The following GLIS3 variants were observed in gnomAD, a reference collection of about 807,000 sequenced individuals.
GLIS3 encodes GLIS family zinc finger 3.
Under a neutral mutation model 78.6 loss-of-function variants are expected in GLIS3, and 53 were observed. That is an observed-to-expected ratio of 0.67 (90% CI 0.54 to 0.85). GLIS3 has a LOEUF of 0.85. Among genes scored for constraint, GLIS3 ranks in the 40% least tolerant of loss-of-function variants. GLIS3 has a pLI of 0.00. For synonymous variants in GLIS3, 684 were observed against 509.9 expected, an observed-to-expected ratio of 1.34 and a Z score of -4.60; for missense variants, 1,703 against 1,231.1, an observed-to-expected ratio of 1.38 and a Z score of -5.74.
At position 4,012,770 on chromosome 9, in the gene GLIS3, T is replaced by TC. The variant is rs201670240; in HGVS notation, c.1711-75582_1711-75581insG. Among the ~76,000 whole-genome samples the TC allele has an allele frequency of 9.7e-3, 1,320 of 136,764 alleles. 26 individuals carry two copies. Among genetic ancestry groups the TC allele is most frequent in the African/African-American group, 0.036 (1,242 of 34,658 alleles). 89.7% of individuals were successfully genotyped at this position (136,764 alleles called of 152,430 possible). A position where few individuals can be genotyped will look rare whatever the true frequency, so the allele number is the denominator to read the frequency against. ...GGTTTCTTTTTTTTCTTTTTCTTTTTTTTTTTTTTTTTTTTTTTTGAGACA... is the reference window on the plus strand; with the variant it reads ...GGTTTCTTTTTTTTCTTTTTCTTTTTCTTTTTTTTTTTTTTTTTTTGAGACA... On this transcript the variant is annotated intron_variant, in intron 4 of 10. Transcript: ENST00000381971.
intron 2 of GLIS3, among the ~76,000 whole-genome samples, chr9:4,208,880 C>T (rs1820116714): frequency 3.3e-5 from 5 of 152,112 alleles, no homozygotes; most frequent in Admixed American, 2.6e-4. Flanking sequence ...TAGAAAGCCT[C>T]CAGCTTTCAT....
At chr9:4,179,639 G>C (rs1586893838) in intron 2 of GLIS3, among the ~76,000 whole-genome samples, 1 of 152,298 alleles carries the variant, frequency 6.6e-6, no homozygotes, top group East Asian at 1.9e-4. Context: ...GCCAGGCACG[G>C]TGGCTCACGC....
intron 2 of GLIS3, among the ~76,000 whole-genome samples, chr9:4,175,819 T>C (rs1002956322): frequency 6.6e-6 from 1 of 152,218 alleles, no homozygotes; most frequent in Non-Finnish European, 1.5e-5. Flanking sequence ...ATATTACATG[T>C]CTTTTTTTGG....
chr9:4,360,286 CA>C, the GLIS3 span, among the ~76,000 whole-genome samples: 1 of 152,138 alleles, frequency 6.6e-6, no homozygotes, highest in Non-Finnish European at 1.5e-5. Context: ...GGAGCAGCAA[CA>C]AAAGAGCATG....
At chr9:4,459,743 T>A in the GLIS3 span, among the ~76,000 whole-genome samples, 4 of 152,044 alleles carry the variant, frequency 2.6e-5, no homozygotes, top group Non-Finnish European at 4.4e-5. Flanking sequence ...CTGCAGCCCA[T>A]GGCTGCAGTC....
intron 2 of GLIS3, among the ~76,000 whole-genome samples, chr9:4,320,442 T>C (rs1043712229): frequency 3.3e-5 from 5 of 152,218 alleles, no homozygotes; most frequent in African/African-American, 7.2e-5. Context: ...CCCCACTTTA[T>C]TGCCAAGCCA....
chr9:4,083,513 T>C (rs768254811), intron 4 of GLIS3, among the ~76,000 whole-genome samples: 1 of 152,208 alleles, frequency 6.6e-6, no homozygotes, highest in Non-Finnish European at 1.5e-5. Flanking sequence ...TCTCCCATTC[T>C]ATGGGTAAAA....
intron 4 of GLIS3, among the ~76,000 whole-genome samples, chr9:3,960,358 C>G (rs1485427833): frequency 6.6e-6 from 1 of 152,178 alleles, no homozygotes; most frequent in Non-Finnish European, 1.5e-5. Flanking sequence ...ACTTAAGGCA[C>G]CCAGTTTGTG....
At chr9:4,379,338 G>A in the GLIS3 span, among the ~76,000 whole-genome samples, 2 of 152,208 alleles carry the variant, frequency 1.3e-5, no homozygotes, top group Non-Finnish European at 2.9e-5. Context: ...AAAACACCAT[G>A]CTACTGTTAT....
intron 2 of GLIS3, among the ~76,000 whole-genome samples, chr9:4,283,039 C>G (rs952293599): frequency 6.6e-6 from 1 of 151,848 alleles, no homozygotes; most frequent in African/African-American, 2.4e-5. Flanking sequence ...TTCTCCCTTC[C>G]CAGAATAAGT....
At chr9:3,880,011 T>A (rs866307355) in intron 7 of GLIS3, among the ~76,000 whole-genome samples, 1 of 152,112 alleles carries the variant, frequency 6.6e-6, no homozygotes, top group Non-Finnish European at 1.5e-5. Context: ...TTCTTCCTCT[T>A]CTCACTGCTG....
intron 2 of GLIS3, among the ~76,000 whole-genome samples, chr9:4,195,146 G>C (rs73398418): frequency 0.036 from 5,456 of 152,318 alleles, 351 homozygotes; most frequent in African/African-American, 0.12. Context: ...CAACATGCTG[G>C]CGGCCTTTGC....
intron 2 of GLIS3, among the ~76,000 whole-genome samples, chr9:4,202,745 C>T (rs1055590435): frequency 6.6e-6 from 1 of 152,168 alleles, no homozygotes; most frequent in Admixed American, 6.5e-5. Context: ...ATAAATGATA[C>T]TGAGATAGCT....
chr9:4,135,853 C>T (rs1833367805), intron 2 of GLIS3, among the ~76,000 whole-genome samples: 1 of 152,174 alleles, frequency 6.6e-6, no homozygotes, highest in Admixed American at 6.5e-5. Context: ...TTCATGAATA[C>T]TCCTCCTTAG....
chr9:4,091,771 G>A (rs1430485892), intron 4 of GLIS3, among the ~76,000 whole-genome samples: 1 of 152,062 alleles, frequency 6.6e-6, no homozygotes, highest in Non-Finnish European at 1.5e-5. Context: ...CAGCCCTGCG[G>A]AACCCCTCTT....
chr9:3,908,971 A>G (rs1307711751), intron 6 of GLIS3, among the ~76,000 whole-genome samples: 1 of 152,212 alleles, frequency 6.6e-6, no homozygotes. Context: ...AAAACGAGGC[A>G]CAATCAAAGG....
intron 4 of GLIS3, among the ~76,000 whole-genome samples, chr9:4,019,220 T>C (rs1348519430): frequency 1.3e-5 from 2 of 152,190 alleles, no homozygotes; most frequent in African/African-American, 4.8e-5. Context: ...GTTTAAAGTT[T>C]AAACGGTGCT....
At chr9:4,056,728 C>T (rs983234737) in intron 4 of GLIS3, among the ~76,000 whole-genome samples, 2 of 152,010 alleles carry the variant, frequency 1.3e-5, no homozygotes, top group East Asian at 3.9e-4. Context: ...CACCCCACCA[C>T]GCACACACAA....
At chr9:4,237,500 C>CTAA (rs1822878028) in intron 2 of GLIS3, among the ~76,000 whole-genome samples, 1 of 152,230 alleles carries the variant, frequency 6.6e-6, no homozygotes, top group Admixed American at 6.5e-5. Context: ...GCTCAGTCTA[C>CTAA]TGAGCCCTAG....
Sources: gnomAD v4.1 joint callset for allele counts (sites outside exome capture counted in the v4.1 genomes callset) on GRCh38, gnomAD v4.1.1 for gene constraint, MANE v1.5 for transcripts, NCBI Gene and HGNC (gene_info 2026-07-23, HGNC 2026-07-21) for gene names.